The following RANBP2 variants were observed in gnomAD, a reference collection of about 807,000 sequenced individuals.
RANBP2 encodes E3 SUMO-protein ligase RanBP2.
RANBP2 carries 57 observed loss-of-function variants against 303.6 expected under a neutral mutation model. That is an observed-to-expected ratio of 0.19 (90% confidence interval 0.15 to 0.23). The LOEUF is 0.23. Among genes scored for constraint, RANBP2 ranks in the 10% least tolerant of loss-of-function variants. The pLI is 1.00. For synonymous variants in RANBP2, 1,167 were observed against 1,301.5 expected, an observed-to-expected ratio of 0.90 and a Z score of 2.23; for missense variants, 3,138 against 3,780.8, an observed-to-expected ratio of 0.83 and a Z score of 4.46.
chr2:109,546,167 C>A, the RANBP2 span: 10 of 1,609,468 alleles, frequency 6.2e-6, no homozygotes, highest in East Asian at 2.2e-5. Context: ...TTCCAAAAGT[C>A]TTCTCTTTTC....
At chr2:109,700,660 T>C in the RANBP2 span, among the ~76,000 whole-genome samples, 1 of 152,074 alleles carries the variant, frequency 6.6e-6, no homozygotes, top group Non-Finnish European at 1.5e-5. Flanking sequence ...TTTAGCTTAG[T>C]GATTTTGGGG....
At chr2:109,007,178 C>G in the RANBP2 span, among the ~76,000 whole-genome samples, 1 of 152,200 alleles carries the variant, frequency 6.6e-6, no homozygotes, top group South Asian at 2.1e-4. Flanking sequence ...AGGGCCTTGG[C>G]CCAAGTTCAA....
At chr2:109,471,846 ACT>A in the RANBP2 span, among the ~76,000 whole-genome samples, 1 of 151,792 alleles carries the variant, frequency 6.6e-6, no homozygotes, top group African/African-American at 2.4e-5. Flanking sequence ...CTTTTTCCAC[ACT>A]CTATTTGCTG....
the RANBP2 span, among the ~76,000 whole-genome samples, chr2:109,601,140 C>T: frequency 6.6e-6 from 1 of 152,194 alleles, no homozygotes; most frequent in Non-Finnish European, 1.5e-5. Context: ...TCACTGGTAT[C>T]AATTAACTTT....
Position 108,782,673 on chromosome 2 carries a change from G to A in RANBP2, c.9180G>A (p.Lys3060=). The A allele has an allele frequency of 6.2e-7, 1 of 1,614,188 alleles. No homozygotes were observed. The highest frequency in any genetic ancestry group is 8.5e-7 in the Non-Finnish European group (1 of 1,180,028). The part of the protein sequence containing the change: ...GHVSLAAELS[K]ETNPVVFFDV... ...TATCACTGGCAGCAGAATTATCAAA[G>A]GAGACCAATCCTGTGGTGTTTTTTG... Residue 3060 remains lysine (K), a synonymous_variant, in exon 28 of 29, where the codon AAG becomes AAA. Coordinates refer to ENST00000283195, the MANE Select transcript of RANBP2 (RefSeq NM_006267.5).
the RANBP2 span, among the ~76,000 whole-genome samples, chr2:109,443,260 T>TA: frequency 9.2e-5 from 14 of 152,378 alleles, no homozygotes; most frequent in South Asian, 2.7e-3. Context: ...GAGGCTGCCC[T>TA]ATTAACAGGT....
chr2:108,943,826 TGGATGC>T, the RANBP2 span, among the ~76,000 whole-genome samples: 2 of 152,108 alleles, frequency 1.3e-5, no homozygotes, highest in African/African-American at 4.8e-5. Flanking sequence ...GGCAGAGGGC[TGGATGC>T]CAGCCCGGGG....
the RANBP2 span, among the ~76,000 whole-genome samples, chr2:109,126,544 T>TA: frequency 6.6e-6 from 1 of 152,196 alleles, no homozygotes; most frequent in Non-Finnish European, 1.5e-5. Context: ...ATACTAGTGA[T>TA]AGAGTTTTAG....
At chr2:109,220,957 A>G in the RANBP2 span, among the ~76,000 whole-genome samples, 1 of 152,376 alleles carries the variant, frequency 6.6e-6, no homozygotes, top group East Asian at 1.9e-4. Context: ...ACTGAAACAG[A>G]TATGTGTACA....
chr2:108,770,401 AGG>A (rs1677416720), intron 20 of RANBP2, among the ~76,000 whole-genome samples: 1 of 152,244 alleles, frequency 6.6e-6, no homozygotes, highest in Admixed American at 6.5e-5. Context: ...TGTAAAAGGA[AGG>A]GCACTGGTTC....
chr2:108,793,920 A>G, the RANBP2 span, among the ~76,000 whole-genome samples: 1 of 152,016 alleles, frequency 6.6e-6, no homozygotes, highest in African/African-American at 2.4e-5. Context: ...GAAACTCTTA[A>G]ACTTGTACAC....
chr2:109,016,633 G>A, the RANBP2 span, among the ~76,000 whole-genome samples: 16 of 152,234 alleles, frequency 1.1e-4, no homozygotes, highest in African/African-American at 2.9e-4. Flanking sequence ...CCCGGGACCT[G>A]GCTGCAGGGA....
At chr2:108,920,878 C>A in the RANBP2 span, among the ~76,000 whole-genome samples, 1 of 152,178 alleles carries the variant, frequency 6.6e-6, no homozygotes, top group Non-Finnish European at 1.5e-5. Context: ...CAGTGGGCAC[C>A]ACTGGGAGCT....
chr2:109,716,379 G>A, the RANBP2 span, among the ~76,000 whole-genome samples: 1 of 151,982 alleles, frequency 6.6e-6, no homozygotes, highest in South Asian at 2.1e-4. Context: ...AGCCTCCTGA[G>A]TAGCTGGGAT....
rs1677631436 is a variant in RANBP2 at position 108,773,168 on chromosome 2, A to AGTGCAATGGCATGCTCGTG, written c.8292+124_8292+142dup. The AGTGCAATGGCATGCTCGTG allele has an allele frequency of 2.9e-6, 3 of 1,051,432 alleles. No individual in the cohort carries two copies. In the Admixed American group the frequency reaches 6.1e-5, roughly 21 times the overall value. The allele number at this position is 1,051,432 out of a possible 1,614,324, so 65.1% of individuals were successfully genotyped here. A position where few individuals can be genotyped will look rare whatever the true frequency, so the allele number is the denominator to read the frequency against. On this transcript the variant is annotated intron_variant, in intron 23 of 28. Coordinates refer to ENST00000283195, the MANE Select transcript of RANBP2 (RefSeq NM_006267.5). ...ATTTTACTCTTGTTGCCCAGGCTGGAGTGCAATGGCATGCTCGTGGCTCAA... is the reference window on the plus strand; with the variant it reads ...ATTTTACTCTTGTTGCCCAGGCTGGAGTGCAATGGCATGCTCGTGGTGCAATGGCATGCTCGTGGCTCAA...
the RANBP2 span, among the ~76,000 whole-genome samples, chr2:108,995,416 G>C: frequency 6.6e-6 from 1 of 152,180 alleles, no homozygotes; most frequent in Non-Finnish European, 1.5e-5. Context: ...TTCTTGCAGG[G>C]GGCATGTTAG....
chr2:109,579,653 G>A, the RANBP2 span, among the ~76,000 whole-genome samples: 25 of 151,098 alleles, frequency 1.7e-4, no homozygotes, highest in East Asian at 3.6e-3. Context: ...AAAGTGCTGG[G>A]ATTACAGGCA....
chr2:109,697,227 T>C, the RANBP2 span, among the ~76,000 whole-genome samples: 1 of 152,242 alleles, frequency 6.6e-6, no homozygotes, highest in African/African-American at 2.4e-5. Flanking sequence ...CAGTAGCTCA[T>C]GCCTGTAATC....
the RANBP2 span, among the ~76,000 whole-genome samples, chr2:109,526,727 G>A: frequency 6.6e-6 from 1 of 152,168 alleles, no homozygotes; most frequent in Non-Finnish European, 1.5e-5. Context: ...GATGACAGCT[G>A]CAATTGATAT....
Sources: allele counts gnomAD v4.1 joint callset (sites outside exome capture counted in the v4.1 genomes callset), GRCh38; gene constraint gnomAD v4.1.1; transcripts MANE v1.5; gene names NCBI Gene and HGNC (gene_info 2026-07-23, HGNC 2026-07-21).